ERBB4: variants seen among roughly 807,000 people sequenced by gnomAD.
ERBB4 encodes the protein erb-b2 receptor tyrosine kinase 4, also known as receptor tyrosine-protein kinase erbB-4.
Under a neutral mutation model 158.0 loss-of-function variants are expected in ERBB4, and 42 were observed. The observed-to-expected ratio is 0.27, with a 90% CI of 0.21 to 0.34. ERBB4 has a LOEUF of 0.34. Ranked by LOEUF, ERBB4 falls within the 10% of genes least tolerant of loss-of-function variation. ERBB4 has a pLI of 1.00. For missense variants in ERBB4, 1,333 were observed against 1,624.1 expected, an observed-to-expected ratio of 0.82 and a Z score of 3.08; for synonymous variants, 583 against 558.7, an observed-to-expected ratio of 1.04 and a Z score of -0.61.
chr2:211,384,194 C>T, intron 27 of ERBB4, 134 bp from the exon 28 acceptor site: 1 of 677,372 alleles, frequency 1.5e-6, no homozygotes, highest in Non-Finnish European at 2.5e-6. Context: ...TTTCTCACAA[C>T]AAGTATTTGT....
intron 25 of ERBB4, among the ~76,000 whole-genome samples, chr2:211,412,771 T>C (rs2063289514): frequency 6.6e-6 from 1 of 151,784 alleles, no homozygotes; most frequent in Non-Finnish European, 1.5e-5. Flanking sequence ...CTGGCCAACA[T>C]GGTGAAACCC....
chr2:212,454,278 A>G (rs1688166802), intron 1 of ERBB4, among the ~76,000 whole-genome samples: 1 of 152,198 alleles, frequency 6.6e-6, no homozygotes, highest in East Asian at 1.9e-4. Context: ...GTGACGCACT[A>G]GGAAGTTGGC....
intron 1 of ERBB4, among the ~76,000 whole-genome samples, chr2:212,471,757 T>G (rs546829450): frequency 2.2e-4 from 34 of 152,084 alleles, no homozygotes; most frequent in African/African-American, 7.9e-4. Context: ...CATATGTAAA[T>G]TATTTTGCAG....
At chr2:211,671,279 G>T (rs2071827384) in intron 14 of ERBB4, among the ~76,000 whole-genome samples, 1 of 152,022 alleles carries the variant, frequency 6.6e-6, no homozygotes. Flanking sequence ...ATTAATGTTT[G>T]AATTTTCTAA....
At chr2:211,975,786 T>A (rs1411405855) in intron 2 of ERBB4, among the ~76,000 whole-genome samples, 1 of 152,146 alleles carries the variant, frequency 6.6e-6, no homozygotes, top group Non-Finnish European at 1.5e-5. Flanking sequence ...TAAATGCCAA[T>A]GAATTTATTA....
intron 20 of ERBB4, among the ~76,000 whole-genome samples, chr2:211,433,503 C>A (rs2063786917): frequency 1.3e-5 from 2 of 151,878 alleles, no homozygotes; most frequent in South Asian, 4.1e-4. Flanking sequence ...ATGGCGTGAA[C>A]CTGGGAGGCT....
intron 3 of ERBB4, among the ~76,000 whole-genome samples, chr2:211,861,730 G>A (rs1358804892): frequency 6.6e-6 from 1 of 152,084 alleles, no homozygotes. Flanking sequence ...TCTAGAATGG[G>A]TGGGATTTGA....
intron 12 of ERBB4, 132 bp from the exon 13 acceptor site, chr2:211,679,316 C>T (rs2072241555): frequency 7.5e-6 from 7 of 936,600 alleles, no homozygotes; most frequent in Middle Eastern, 3.0e-4. Context: ...GTGGCCTATC[C>T]CATCGTCATG....
intron 1 of ERBB4, among the ~76,000 whole-genome samples, chr2:212,490,579 A>G (rs1690220927): frequency 6.6e-6 from 1 of 151,810 alleles, no homozygotes; most frequent in Non-Finnish European, 1.5e-5. Context: ...CAAATTCAAA[A>G]TGAATTTTTG....
intron 16 of ERBB4, among the ~76,000 whole-genome samples, chr2:211,641,262 C>T (rs1197673858): frequency 6.6e-6 from 1 of 152,040 alleles, no homozygotes; most frequent in Non-Finnish European, 1.5e-5. Flanking sequence ...TTCTTTTCTA[C>T]TTCCTCTCCC....
chr2:211,904,105 C>T (rs928856421), intron 3 of ERBB4, among the ~76,000 whole-genome samples: 2 of 152,060 alleles, frequency 1.3e-5, no homozygotes, highest in African/African-American at 2.4e-5. Context: ...AAATACTGTT[C>T]CAAGTATTGA....
chr2:212,255,808 G>A (rs1003905974), intron 1 of ERBB4, among the ~76,000 whole-genome samples: 1 of 151,886 alleles, frequency 6.6e-6, no homozygotes, highest in Non-Finnish European at 1.5e-5. Context: ...CTGGGTAGGT[G>A]CACATAGAAT....
At chr2:212,392,726 T>A (rs1337790418) in intron 1 of ERBB4, among the ~76,000 whole-genome samples, 1 of 152,104 alleles carries the variant, frequency 6.6e-6, no homozygotes, top group Non-Finnish European at 1.5e-5. Flanking sequence ...TCTGTGCACA[T>A]CTTTTTTGTG....
At chr2:212,525,188 T>C (rs1299314364) in intron 1 of ERBB4, among the ~76,000 whole-genome samples, 2 of 152,022 alleles carry the variant, frequency 1.3e-5, no homozygotes, top group African/African-American at 2.4e-5. Flanking sequence ...TCCACATTCC[T>C]AGTAGAAAGA....
At chr2:212,385,112 T>A (rs944021231) in intron 1 of ERBB4, among the ~76,000 whole-genome samples, 2 of 151,566 alleles carry the variant, frequency 1.3e-5, no homozygotes, top group Non-Finnish European at 3.0e-5. Context: ...TTATTGCAAA[T>A]AAACGGCTTA....
At chr2:212,268,494 A>G (rs1437883020) in intron 1 of ERBB4, among the ~76,000 whole-genome samples, 1 of 151,934 alleles carries the variant, frequency 6.6e-6, no homozygotes, top group Non-Finnish European at 1.5e-5. Flanking sequence ...ACACAGGGAC[A>G]TAATGAAAAA....
chr2:211,606,518 A>G (rs1241361830), intron 19 of ERBB4, among the ~76,000 whole-genome samples: 4 of 152,078 alleles, frequency 2.6e-5, no homozygotes, highest in African/African-American at 9.7e-5. Flanking sequence ...TTTCTCTCTA[A>G]TAAACCTATT....
chr2:211,863,451 C>T (rs1399147244), intron 3 of ERBB4, among the ~76,000 whole-genome samples: 3 of 152,212 alleles, frequency 2.0e-5, no homozygotes, highest in African/African-American at 4.8e-5. Flanking sequence ...TGCTATTGCT[C>T]ACTTTTTGTG....
intron 20 of ERBB4, among the ~76,000 whole-genome samples, chr2:211,495,601 ATCTC>A (rs984020954): frequency 3.9e-5 from 6 of 152,178 alleles, no homozygotes; most frequent in Admixed American, 3.9e-4. Context: ...TGATATTTGA[ATCTC>A]TCTAATATAA....
Sources: gnomAD v4.1 joint callset for allele counts (sites outside exome capture counted in the v4.1 genomes callset) on GRCh38, gnomAD v4.1.1 for gene constraint, MANE v1.5 for transcripts, NCBI Gene and HGNC (gene_info 2026-07-23, HGNC 2026-07-21) for gene names.